The following LYST variants were observed in gnomAD, a reference collection of about 807,000 sequenced individuals.
LYST encodes the protein lysosomal-trafficking regulator.
In LYST, 192 loss-of-function variants were observed where a neutral mutation model predicts 413.6. The ratio of observed to expected loss-of-function variants is 0.46; its 90% CI spans 0.41 to 0.52. The LOEUF (loss-of-function observed/expected upper bound fraction) is 0.52, where lower values mean the gene tolerates loss of function less well. Ranked by LOEUF, LYST falls within the 20% of genes least tolerant of loss-of-function variation. The pLI, the probability that LYST is intolerant of heterozygous loss-of-function variation, is 0.00. For missense variants in LYST, 3,815 were observed against 4,499.9 expected (o/e 0.85, Z 4.35); for synonymous variants, 1,525 against 1,567.3 (o/e 0.97, Z 0.64).
chr1:235,879,274 T>C (rs1681270094), intron 1 of LYST, among the ~76,000 whole-genome samples: 1 of 152,240 alleles, frequency 6.6e-6, no homozygotes, highest in East Asian at 1.9e-4. Context: ...CTGGGGAGAA[T>C]ACATTTGCAG....
intron 10 of LYST, among the ~76,000 whole-genome samples, chr1:235,798,031 A>G (rs935751602): frequency 2.6e-5 from 4 of 152,208 alleles, no homozygotes; most frequent in Non-Finnish European, 5.9e-5. Flanking sequence ...GAGGTTCAAC[A>G]TCACTAATCA....
intron 45 of LYST, among the ~76,000 whole-genome samples, chr1:235,699,895 G>A (rs1466604453): frequency 6.6e-6 from 1 of 152,058 alleles, no homozygotes; most frequent in Admixed American, 6.6e-5. Context: ...CAGACATATA[G>A]ACCAATGGAA....
intron 8 of LYST, among the ~76,000 whole-genome samples, chr1:235,801,549 C>T (rs1308331758): frequency 6.6e-6 from 1 of 152,074 alleles, no homozygotes; most frequent in Non-Finnish European, 1.5e-5. Context: ...CAGACTCTGT[C>T]TTATTGAATA....
At chr1:235,732,365 T>A (rs1424353990) in intron 34 of LYST, among the ~76,000 whole-genome samples, 1 of 152,086 alleles carries the variant, frequency 6.6e-6, no homozygotes, top group African/African-American at 2.4e-5. Flanking sequence ...TGCAGTGGCA[T>A]GTTCATAGCT....
chr1:235,807,690 G>A (rs898233370), intron 5 of LYST, among the ~76,000 whole-genome samples: 3 of 152,058 alleles, frequency 2.0e-5, no homozygotes, highest in Non-Finnish European at 2.9e-5. Flanking sequence ...CTACCCATTC[G>A]TTTATAAAAT....
At chr1:235,691,697 C>CTTTTTTTTTTTTTTTTTTTTTTTTT (rs774558822) in intron 47 of LYST, among the ~76,000 whole-genome samples, 1 of 138,204 alleles carries the variant, frequency 7.2e-6, no homozygotes. Context: ...ATCAGATTCT[C>CTTTTTTTTTTTTTTTTTTTTTTTTT]TCTTTTTTTT....
At chr1:235,792,517 G>A (rs1035586207) in intron 11 of LYST, among the ~76,000 whole-genome samples, 4 of 151,858 alleles carry the variant, frequency 2.6e-5, no homozygotes, top group African/African-American at 9.7e-5. Context: ...GTTTCATCAT[G>A]TTGGCCAGGC....
chr1:235,706,702 A>G (rs1292994768), intron 44 of LYST, among the ~76,000 whole-genome samples: 3 of 152,206 alleles, frequency 2.0e-5, no homozygotes, highest in African/African-American at 2.4e-5. Flanking sequence ...TTATTCACCA[A>G]TGAAACTATA....
chr1:235,831,526 C>T (rs894548086), intron 2 of LYST, among the ~76,000 whole-genome samples: 1 of 152,076 alleles, frequency 6.6e-6, no homozygotes, highest in Non-Finnish European at 1.5e-5. Flanking sequence ...TAAAAATGAA[C>T]CAACGGGATA....
intron 46 of LYST, among the ~76,000 whole-genome samples, chr1:235,696,427 G>T (rs1572018287): frequency 6.6e-6 from 1 of 152,316 alleles, no homozygotes; most frequent in Non-Finnish European, 1.5e-5. Flanking sequence ...ACAGATGAGT[G>T]CCCTAGGTCA....
intron 31 of LYST, chr1:235,735,362 G>A (rs552339166): frequency 3.3e-5 from 5 of 152,128 alleles, no homozygotes; most frequent in Admixed American, 1.3e-4. Context: ...CAAACCCCAC[G>A]CAGACAATTC....
At chr1:235,786,997 T>C in intron 14 of LYST, 2 of 428,640 alleles carry the variant, frequency 4.7e-6, no homozygotes, top group South Asian at 2.4e-5. Flanking sequence ...TGTATACATA[T>C]GTAACAAACC....
intron 20 of LYST, among the ~76,000 whole-genome samples, chr1:235,767,318 T>C (rs1364930789): frequency 6.6e-6 from 1 of 152,096 alleles, no homozygotes. Flanking sequence ...AATGTAGATG[T>C]TAATTTTGAA....
chr1:235,828,805 T>C (rs1357201766), intron 3 of LYST: 1 of 770,798 alleles, frequency 1.3e-6, no homozygotes, highest in African/African-American at 1.9e-5. Context: ...TGGTCTAACA[T>C]GATTTTTTCT....
intron 46 of LYST, among the ~76,000 whole-genome samples, chr1:235,696,719 T>C (rs1262483059): frequency 6.6e-6 from 1 of 152,204 alleles, no homozygotes; most frequent in African/African-American, 2.4e-5. Context: ...CTTGTTGTGT[T>C]TGTTGCTTAA....
chr1:235,809,071 A>G lies in LYST; in HGVS notation c.1747T>C (p.Cys583Arg). 2 of 1,614,172 alleles carry G rather than the reference A, an allele frequency of 1.2e-6. No homozygotes were observed. The highest frequency in any genetic ancestry group is 1.7e-6 in the Non-Finnish European group (2 of 1,180,002). ...ACAGATTTGGGATCCATACAACAGCATATTCCAATGTTATGAACACCCGAT... is the reference window on the plus strand; with the variant it reads ...ACAGATTTGGGATCCATACAACAGCGTATTCCAATGTTATGAACACCCGAT... ...ILSGVHNIGICCCMDPKSVII... is the reference protein window; with the variant it reads ...ILSGVHNIGIRCCMDPKSVII... The change falls in exon 5 of 53, where the codon TGC (cysteine) becomes CGC (arginine). Residue 583 changes from cysteine (C) to arginine (R), a missense_variant. Cys to Arg is a radical substitution (Grantham distance 180, BLOSUM62 -3). Around this residue, in one of 4 missense-constraint regions of LYST, gnomAD observed 1,648 missense variants for 1,810.3 expected, o/e 0.91. Transcript: ENST00000389793. The surrounding 1 kb of genome is among the most constrained non-coding windows in gnomAD (Gnocchi z 4.0).
chr1:235,802,856 T>G (rs1436486525), intron 8 of LYST, 52 bp downstream of exon 8: 5 of 1,573,274 alleles, frequency 3.2e-6, no homozygotes, highest in Non-Finnish European at 4.4e-6. Context: ...CATTTTGCTA[T>G]TTAATGATCT....
At chr1:235,835,434 G>A (rs1363976574) in intron 1 of LYST, among the ~76,000 whole-genome samples, 5 of 152,152 alleles carry the variant, frequency 3.3e-5, no homozygotes, top group Non-Finnish European at 7.4e-5. Flanking sequence ...AGAAGTGAAA[G>A]CTGGCAGCTG....
intron 34 of LYST, among the ~76,000 whole-genome samples, chr1:235,733,252 C>T (rs751508354): frequency 2.0e-5 from 3 of 151,888 alleles, no homozygotes; most frequent in Admixed American, 1.3e-4. Context: ...CTTTTACAGA[C>T]CATATTTTAA....
Sources: gnomAD v4.1 joint callset for allele counts (sites outside exome capture counted in the v4.1 genomes callset) on GRCh38, gnomAD v4.1.1 for gene constraint, gnomAD v4.1.1 regional missense constraint, Gnocchi (gnomAD v3.1) non-coding constraint, MANE v1.5 for transcripts, NCBI Gene and HGNC (gene_info 2026-07-23, HGNC 2026-07-21) for gene names.